Variants in IKZF1 observed in about 807,000 individuals in gnomAD.
The protein encoded by IKZF1 is IKAROS family zinc finger 1.
In IKZF1, 10 loss-of-function variants were observed where a neutral mutation model predicts 51.7. That is an observed-to-expected ratio of 0.19 (90% CI 0.12 to 0.33). The LOEUF (loss-of-function observed/expected upper bound fraction) is 0.33, where lower values mean the gene tolerates loss of function less well. Among genes scored for constraint, IKZF1 ranks in the 10% least tolerant of loss-of-function variants. The probability of loss-of-function intolerance (pLI) is 1.00; values close to 1 mark genes in which losing one functional copy is unlikely to be tolerated. For synonymous variants in IKZF1, 280 were observed against 282.3 expected, an observed-to-expected ratio of 0.99 and a Z score of 0.08; for missense variants, 484 against 707.5, an observed-to-expected ratio of 0.68 and a Z score of 3.58.
At chr7:50,397,018 G>T (rs916661989) in intron 7 of IKZF1, among the ~76,000 whole-genome samples, 2 of 152,180 alleles carry the variant, frequency 1.3e-5, no homozygotes, top group South Asian at 4.1e-4. Context: ...GGTTTCAAAT[G>T]CTTTTCTGAT....
intron 3 of IKZF1, among the ~76,000 whole-genome samples, chr7:50,350,809 G>A (rs1274443377): frequency 6.6e-6 from 1 of 152,194 alleles, no homozygotes; most frequent in African/African-American, 2.4e-5. Flanking sequence ...GAAAGAAATA[G>A]CAGAGCAAGC....
Position 50,376,843 on chromosome 7 carries a change from G to T in IKZF1, c.421+50G>T. 1 of 1,597,572 alleles carries T rather than the reference G, an allele frequency of 6.3e-7. No individual in the cohort carries two copies. Among genetic ancestry groups the T allele is most frequent in the Non-Finnish European group, 8.5e-7 (1 of 1,170,328 alleles). On this transcript the variant is annotated intron_variant, in intron 4 of 7. Coordinates refer to ENST00000331340, the MANE Select transcript of IKZF1 (RefSeq NM_006060.6). This position sits in a 1 kb window ranked among gnomAD's most constrained non-coding sequence, Gnocchi z 4.5. ...TTAGTGGCCTGGAGAAGGTGCATGG[G>T]GTTTGAAGGAGGAAAGCATCCTGTC...
At chr7:50,384,208 G>C (rs1812692369) in intron 5 of IKZF1, among the ~76,000 whole-genome samples, 1 of 152,246 alleles carries the variant, frequency 6.6e-6, no homozygotes. Context: ...AGAGAGGGGT[G>C]CGGCACCCAT....
rs754775483 is a variant in IKZF1, at chr7:50,343,296, C to G, written c.160+15539C>G. Reference sequence around the variant, plus strand: ...CCTTCCTCTCTTCTTTTCTCCATCCCTTTCTTCCTTTTAACATTTGATCAT... The same window carrying G: ...CCTTCCTCTCTTCTTTTCTCCATCCGTTTCTTCCTTTTAACATTTGATCAT... On this transcript the variant is annotated intron_variant, in intron 3 of 7. Coordinates refer to ENST00000331340, the MANE Select transcript of IKZF1 (RefSeq NM_006060.6). Among the ~76,000 whole-genome samples, 22 of 150,756 alleles carry G rather than the reference C, an allele frequency of 1.5e-4. No homozygotes were observed. The Middle Eastern group carries it at 0.014, about 93-fold the overall frequency.
chr7:50,327,548 C>A lies in IKZF1; in HGVS notation c.41-90C>A, dbSNP rs1409343381. 5.5e-6 allele frequency: 8 copies of A among 1,460,762 alleles called. No homozygotes were observed. The African/African-American group carries it at 1.0e-4, about 18-fold the overall frequency. 90.5% of individuals were successfully genotyped at this position (1,460,762 alleles called of 1,614,324 possible). On this transcript the variant is annotated intron_variant, in intron 2 of 7. Coordinates refer to ENST00000331340, the MANE Select transcript of IKZF1 (RefSeq NM_006060.6). ...ACTGGCTCCACCCAGTACCTGCCTC[C>A]TCATGCCACCCTCTCAAGCCAAAAG...
chr7:50,310,749 A>G (rs940049091), intron 1 of IKZF1, among the ~76,000 whole-genome samples: 2 of 152,244 alleles, frequency 1.3e-5, no homozygotes, highest in African/African-American at 4.8e-5. Context: ...AACAGGATCC[A>G]GCTAAAACAC....
At chr7:50,334,712 TG>T (rs1218551752) in intron 3 of IKZF1, among the ~76,000 whole-genome samples, 2 of 150,766 alleles carry the variant, frequency 1.3e-5, no homozygotes, top group Non-Finnish European at 3.0e-5. Context: ...TATATGTGTA[TG>T]GGATGTGTGG....
At chr7:50,383,942 G>A (rs1003926887) in intron 5 of IKZF1, among the ~76,000 whole-genome samples, 1 of 152,224 alleles carries the variant, frequency 6.6e-6, no homozygotes, top group Non-Finnish European at 1.5e-5. Context: ...CACATTTACT[G>A]AGCACCCCTG....
intron 3 of IKZF1, among the ~76,000 whole-genome samples, chr7:50,370,625 G>A (rs1432993045): frequency 6.6e-6 from 1 of 152,184 alleles, no homozygotes; most frequent in Non-Finnish European, 1.5e-5. Context: ...CTTTTGACTA[G>A]GAGTTTGAAA....
At chr7:50,371,339 A>G (rs890946922) in intron 3 of IKZF1, among the ~76,000 whole-genome samples, 1 of 152,204 alleles carries the variant, frequency 6.6e-6, no homozygotes, top group African/African-American at 2.4e-5. Flanking sequence ...GATGGATTTC[A>G]AAATGAAGGG....
rs1817857280 is a variant in IKZF1 at position 50,400,392 on chromosome 7, C to G, written c.1325C>G (p.Ser442Cys). 2 of 1,613,506 alleles carry G rather than the reference C, an allele frequency of 1.2e-6. No individual in the cohort carries two copies. The highest frequency in any genetic ancestry group is 1.7e-6 in the Non-Finnish European group (2 of 1,179,808). Residue 442 changes from serine (S) to cysteine (C), a missense_variant, in exon 8 of 8, where the codon TCC becomes TGC. By Grantham distance (112) the Ser-to-Cys change is moderately radical (BLOSUM62 -1). Transcript: ENST00000331340. This position sits in a 1 kb window ranked among gnomAD's most constrained non-coding sequence, Gnocchi z 5.4. ...HRAYDLLRAA[S>C]ENSQDALRVV... is the part of the protein sequence containing the mutation. ...GCCTACGACCTGCTGCGCGCCGCCT[C>G]CGAGAACTCGCAGGACGCGCTCCGC...
chr7:50,383,054 C>T (rs574872869), intron 5 of IKZF1, among the ~76,000 whole-genome samples: 2 of 152,342 alleles, frequency 1.3e-5, no homozygotes, highest in East Asian at 3.9e-4. Flanking sequence ...ACCAAGTGTA[C>T]TGCTAAGACC....
chr7:50,388,552 C>T (rs1285023177), intron 6 of IKZF1: 4 of 152,198 alleles, frequency 2.6e-5, no homozygotes, highest in East Asian at 1.9e-4. Flanking sequence ...GGCTTACAGG[C>T]GATTCCTCCA....
chr7:50,391,369 C>T (rs1815003719), intron 6 of IKZF1, among the ~76,000 whole-genome samples: 1 of 152,210 alleles, frequency 6.6e-6, no homozygotes, highest in South Asian at 2.1e-4. Context: ...CTGTTAGGGA[C>T]TGACTGAGGT....
intron 3 of IKZF1, among the ~76,000 whole-genome samples, chr7:50,362,559 C>T (rs1040631467): frequency 1.3e-5 from 2 of 152,144 alleles, no homozygotes; most frequent in South Asian, 4.1e-4. Flanking sequence ...TCTTTATCTG[C>T]GTGTGGCTTT....
At chr7:50,351,015 A>G (rs1362036769) in intron 3 of IKZF1, among the ~76,000 whole-genome samples, 1 of 152,248 alleles carries the variant, frequency 6.6e-6, no homozygotes, top group Non-Finnish European at 1.5e-5. Context: ...TTAACACAGT[A>G]ACTCTTAATT....
At chr7:50,335,331 G>A (rs1797414787) in intron 3 of IKZF1, among the ~76,000 whole-genome samples, 1 of 149,048 alleles carries the variant, frequency 6.7e-6, no homozygotes, top group Admixed American at 6.7e-5. Flanking sequence ...GTGTATGTGT[G>A]TATGGGAGGT....
intron 3 of IKZF1, among the ~76,000 whole-genome samples, chr7:50,352,154 C>A (rs997905185): frequency 6.6e-6 from 1 of 152,202 alleles, no homozygotes; most frequent in Non-Finnish European, 1.5e-5. Flanking sequence ...GCTCTTTCAG[C>A]CAGAAAGTAC....
At position 50,332,023 on chromosome 7, in the gene IKZF1, A is replaced by G. The variant is rs1042873098; in HGVS notation, c.160+4266A>G. Among the ~76,000 whole-genome samples the G allele has an allele frequency of 1.4e-4, 21 of 152,298 alleles. No individual in the cohort carries two copies. In the East Asian group the frequency reaches 3.9e-3, roughly 28 times the overall value. ...AACTAGAGAACTCTCACCTCTCTGA[A>G]GTGGTTGTGTATGAAACTGTTTAAA... On this transcript the variant is annotated intron_variant, in intron 3 of 7. Transcript: ENST00000331340.
Sources: gnomAD v4.1 joint callset for allele counts (sites outside exome capture counted in the v4.1 genomes callset) on GRCh38, gnomAD v4.1.1 for gene constraint, Gnocchi (gnomAD v3.1) non-coding constraint, MANE v1.5 for transcripts, NCBI Gene and HGNC (gene_info 2026-07-23, HGNC 2026-07-21) for gene names.